The following SLC25A13 variants were observed in gnomAD, a reference collection of about 807,000 sequenced individuals.
SLC25A13 encodes electrogenic aspartate/glutamate antiporter SLC25A13, mitochondrial.
In SLC25A13, 70 loss-of-function variants were observed where a neutral mutation model predicts 85.5. The ratio of observed to expected loss-of-function variants is 0.82; its 90% CI spans 0.68 to 1.00. The LOEUF (loss-of-function observed/expected upper bound fraction) is 1.00. Ranked by LOEUF, SLC25A13 falls within the 50% of genes least tolerant of loss-of-function variation. The pLI, the probability that SLC25A13 is intolerant of heterozygous loss-of-function variation, is 0.00. For missense variants in SLC25A13, 765 were observed against 819.8 expected, an observed-to-expected ratio of 0.93 and a Z score of 0.82; for synonymous variants, 259 against 288.7, an observed-to-expected ratio of 0.90 and a Z score of 1.04.
chr7:96,263,937 T>C (rs535076813), intron 3 of SLC25A13, among the ~76,000 whole-genome samples: 1 of 152,242 alleles, frequency 6.6e-6, no homozygotes, highest in Non-Finnish European at 1.5e-5. Context: ...CACATCCCAA[T>C]TGATCAACAA....
At chr7:96,319,941 A>G (rs912399952) in intron 1 of SLC25A13, among the ~76,000 whole-genome samples, 1 of 152,240 alleles carries the variant, frequency 6.6e-6, no homozygotes, top group African/African-American at 2.4e-5. Flanking sequence ...CACTTCTACT[A>G]TTATGTAGAA....
Position 96,189,478 on chromosome 7 carries a change from G to T in SLC25A13, c.849-100C>A, listed in dbSNP as rs1325868663. 14 of 1,521,076 alleles carry T rather than the reference G, an allele frequency of 9.2e-6. No individual in the cohort carries two copies. In the East Asian group the frequency reaches 2.9e-4, roughly 32 times the overall value. The allele number at this position is 1,521,076 out of a possible 1,614,324, so 94.2% of individuals were successfully genotyped here. A position where few individuals can be genotyped will look rare whatever the true frequency, so the allele number is the denominator to read the frequency against. On this transcript the variant is annotated intron_variant, in intron 8 of 17. Coordinates refer to ENST00000265631, the MANE Select transcript of SLC25A13 (RefSeq NM_014251.3). ...CCCTTTTTTCATTTCTCATATTTCA[G>T]TATAGCCTTCAGTTTGGCTTCTTTT...
At chr7:96,139,235 A>AT (rs543724434) in intron 14 of SLC25A13, among the ~76,000 whole-genome samples, 12 of 151,750 alleles carry the variant, frequency 7.9e-5, no homozygotes, top group Non-Finnish European at 1.0e-4. Flanking sequence ...AAAAAGAAAA[A>AT]TTTTTTTTTC....
intron 2 of SLC25A13, among the ~76,000 whole-genome samples, chr7:96,290,057 G>A (rs367677486): frequency 2.6e-5 from 4 of 152,224 alleles, no homozygotes; most frequent in African/African-American, 7.2e-5. Flanking sequence ...ACTAACAGCA[G>A]ATCTCTCGAC....
Position 96,120,972 on chromosome 7 carries a change from T to C in SLC25A13, c.*219A>G, listed in dbSNP as rs762859440. 8 of 674,670 alleles carry C rather than the reference T, an allele frequency of 1.2e-5. No homozygotes were observed. The highest frequency in any genetic ancestry group is 6.0e-5 in the South Asian group (4 of 66,690). 41.8% of individuals were successfully genotyped at this position (674,670 alleles called of 1,614,324 possible). A position where few individuals can be genotyped will look rare whatever the true frequency, so the allele number is the denominator to read the frequency against. On this transcript the variant is annotated 3_prime_UTR_variant, in exon 18 of 18. Coordinates refer to ENST00000265631, the MANE Select transcript of SLC25A13 (RefSeq NM_014251.3). Reference sequence around the variant, plus strand: ...ATCAATTTTCAGATGCAAACAAAGGTTTCTGGGCAGAGGGCCAAATAATAA... The same window carrying C: ...ATCAATTTTCAGATGCAAACAAAGGCTTCTGGGCAGAGGGCCAAATAATAA...
At chr7:96,231,812 A>G (rs1392336979) in intron 4 of SLC25A13, among the ~76,000 whole-genome samples, 4 of 152,190 alleles carry the variant, frequency 2.6e-5, no homozygotes, top group African/African-American at 9.6e-5. Flanking sequence ...AAGCATATGG[A>G]AAAAGGCTCA....
chr7:96,269,649 G>C (rs892819570), intron 3 of SLC25A13, among the ~76,000 whole-genome samples: 13 of 152,218 alleles, frequency 8.5e-5, no homozygotes, highest in African/African-American at 2.9e-4. Context: ...ACACTGAAGA[G>C]GCATCTGCAC....
intron 9 of SLC25A13, 112 bp downstream of exon 9, chr7:96,189,182 A>T: frequency 1.1e-6 from 1 of 902,496 alleles, no homozygotes; most frequent in Non-Finnish European, 1.8e-6. Flanking sequence ...GGTGCAAAAC[A>T]GAAAAATGGT....
intron 2 of SLC25A13, among the ~76,000 whole-genome samples, chr7:96,291,697 C>T (rs557077151): frequency 1.4e-4 from 21 of 152,174 alleles, no homozygotes; most frequent in Admixed American, 9.2e-4. Flanking sequence ...ATAAATTCGT[C>T]GACACATACA....
At chr7:96,257,298 C>T (rs935194138) in intron 3 of SLC25A13, among the ~76,000 whole-genome samples, 3 of 151,894 alleles carry the variant, frequency 2.0e-5, no homozygotes, top group African/African-American at 7.3e-5. Context: ...AAAAGATTAA[C>T]CAAATAGATA....
At chr7:96,205,905 C>T (rs780434353) in intron 5 of SLC25A13, among the ~76,000 whole-genome samples, 4 of 151,710 alleles carry the variant, frequency 2.6e-5, no homozygotes, top group African/African-American at 9.7e-5. Context: ...TTCTAAGAAG[C>T]TCACACTTGC....
chr7:96,283,423 A>ATC, intron 2 of SLC25A13: 1 of 422,908 alleles, frequency 2.4e-6, no homozygotes, highest in Non-Finnish European at 4.7e-6. Flanking sequence ...TAGAAAACAT[A>ATC]GAGTTGTTCC....
chr7:96,321,902 C>T (rs1287905995), intron 1 of SLC25A13, 40 bp downstream of exon 1: 2 of 1,523,738 alleles, frequency 1.3e-6, no homozygotes, highest in African/African-American at 1.4e-5. Context: ...CCAGGCTGAT[C>T]CGGCAGGCGC....
At chr7:96,277,601 T>G (rs1484674664) in intron 2 of SLC25A13, among the ~76,000 whole-genome samples, 1 of 151,982 alleles carries the variant, frequency 6.6e-6, no homozygotes, top group East Asian at 1.9e-4. Context: ...TCATAACATG[T>G]GAGGAAGGGT....
intron 1 of SLC25A13, among the ~76,000 whole-genome samples, chr7:96,315,493 G>A (rs144266257): frequency 1.3e-5 from 2 of 152,224 alleles, no homozygotes; most frequent in African/African-American, 4.8e-5. Flanking sequence ...TGGGAATTTG[G>A]ACCAATAACA....
intron 2 of SLC25A13, among the ~76,000 whole-genome samples, chr7:96,288,358 G>T (rs1798973572): frequency 6.6e-6 from 1 of 152,214 alleles, no homozygotes; most frequent in Non-Finnish European, 1.5e-5. Context: ...CAGAAGACAG[G>T]TGATTTCTGC....
At chr7:96,232,591 C>G (rs371360846) in intron 4 of SLC25A13, among the ~76,000 whole-genome samples, 1 of 134,550 alleles carries the variant, frequency 7.4e-6, no homozygotes, top group East Asian at 2.1e-4. Context: ...CCTGAACTTA[C>G]GTTAAAAAAA....
intron 13 of SLC25A13, among the ~76,000 whole-genome samples, chr7:96,157,962 T>C (rs1793353000): frequency 6.6e-6 from 1 of 152,222 alleles, no homozygotes; most frequent in African/African-American, 2.4e-5. Context: ...GGTCCAACAG[T>C]TGTGGACAAG....
intron 4 of SLC25A13, among the ~76,000 whole-genome samples, chr7:96,209,783 CTATTTT>C (rs1481983127): frequency 6.6e-6 from 1 of 152,140 alleles, no homozygotes; most frequent in Non-Finnish European, 1.5e-5. Flanking sequence ...TCTAAAGCTT[CTATTTT>C]TATTTTTAGC....
Sources: gnomAD v4.1 joint callset for allele counts (sites outside exome capture counted in the v4.1 genomes callset) on GRCh38, gnomAD v4.1.1 for gene constraint, MANE v1.5 for transcripts, NCBI Gene and HGNC (gene_info 2026-07-23, HGNC 2026-07-21) for gene names.